The following CLN3 variants were observed in gnomAD, a reference collection of about 807,000 sequenced individuals.
CLN3 encodes the protein battenin.
A neutral mutation model predicts 60.7 loss-of-function variants in CLN3; 49 were observed. The observed-to-expected ratio is 0.81, with a 90% CI of 0.64 to 1.02. CLN3 has a LOEUF of 1.02. Ranked by LOEUF, CLN3 falls within the 50% of genes least tolerant of loss-of-function variation. The probability of loss-of-function intolerance (pLI) is 0.00; values close to 1 mark genes in which losing one functional copy is unlikely to be tolerated. For synonymous variants in CLN3, 256 were observed against 245.8 expected (o/e 1.04, Z -0.39); for missense variants, 516 against 557.4 (o/e 0.93, Z 0.75).
chr16:28,491,640 G>C, intron 2 of CLN3, 74 bp downstream of exon 2: 3 of 1,613,808 alleles, frequency 1.9e-6, no homozygotes, highest in Non-Finnish European at 1.7e-6. Context: ...CCGGGGCCGA[G>C]TCAGCTCTCA....
Position 28,477,528 on chromosome 16 carries a change from G to A in CLN3, c.1305C>T (p.Cys435=). ...AGGATCCCGAGTATCAGGAGAGCTG[G>A]CAGAGGAAGTCATGCAGAGGCAAAG... ...LLALPLHDFL[C]QLS is the part of the protein sequence containing the mutation. The change falls in exon 16 of 16, where the codon TGC becomes TGT. Residue 435 remains cysteine (C), a synonymous_variant. Transcript: ENST00000636147. 1 of 1,613,530 alleles carries A rather than the reference G, an allele frequency of 6.2e-7. No homozygotes were observed.
chr16:28,491,949 T>C lies in CLN3; in HGVS notation c.-77+71A>G, dbSNP rs370165217. ...GCTGGGGGCTCCATCTCGAGCGCCCTACGACCCACCACGCCCCACCCATCG... is the reference window on the plus strand; with the variant it reads ...GCTGGGGGCTCCATCTCGAGCGCCCCACGACCCACCACGCCCCACCCATCG... On this transcript the variant is annotated intron_variant, in intron 1 of 15. Coordinates refer to ENST00000636147, the MANE Select transcript of CLN3 (RefSeq NM_001042432.2). The C allele has an allele frequency of 6.2e-4, 453 of 726,380 alleles. 2 individuals are homozygous for C. In the African/African-American group the frequency reaches 7.1e-3, roughly 11 times the overall value. The allele number at this position is 726,380 out of a possible 1,614,324, so 45.0% of individuals were successfully genotyped here. A position where few individuals can be genotyped will look rare whatever the true frequency, so the allele number is the denominator to read the frequency against.
rs200731769 is a variant in CLN3, at chr16:28,483,990, G to T, written c.790+16C>A. ...AGAGAAAGAAAGTGACCTCTCTGAG[G>T]GTCTGTGTCTCCTACCTGGCTTCGA... On this transcript the variant is annotated intron_variant, in intron 10 of 15. Transcript: ENST00000636147. 410 of 1,579,510 alleles carry T rather than the reference G, an allele frequency of 2.6e-4. 4 individuals are homozygous for T. In the Admixed American group the frequency reaches 7.1e-3, roughly 27 times the overall value.
chr16:28,487,126 G>C (rs2046233415), intron 7 of CLN3: 3 of 419,984 alleles, frequency 7.1e-6, no homozygotes, highest in South Asian at 6.9e-5. Context: ...GGCCAGGCTG[G>C]TTTCGAACTC....
chr16:28,483,442 A>T (rs2046139460), intron 10 of CLN3, among the ~76,000 whole-genome samples: 1 of 151,986 alleles, frequency 6.6e-6, no homozygotes, highest in African/African-American at 2.4e-5. Context: ...GACTGGTCTC[A>T]AACTCTTGAT....
intron 10 of CLN3, among the ~76,000 whole-genome samples, chr16:28,483,293 C>T (rs1459418555): frequency 6.6e-6 from 1 of 151,738 alleles, no homozygotes; most frequent in East Asian, 2.0e-4. Flanking sequence ...GCAATCTCAG[C>T]TCACTGCAGC....
chr16:28,488,335 TA>T (rs1469289212), intron 5 of CLN3: 1 of 201,254 alleles, frequency 5.0e-6, no homozygotes, highest in Non-Finnish European at 9.7e-6. Flanking sequence ...TTTATATATA[TA>T]TATTTTTTAA....
intron 13 of CLN3, 57 bp from the exon 14 acceptor site, chr16:28,482,255 C>T: frequency 7.5e-6 from 12 of 1,603,422 alleles, no homozygotes; most frequent in Non-Finnish European, 8.5e-6. Context: ...TCCCGCTCCC[C>T]CCGGTGCCTA....
At chr16:28,481,417 A>AACACACAC (rs767753225) in intron 14 of CLN3, among the ~76,000 whole-genome samples, 79 of 129,590 alleles carry the variant, frequency 6.1e-4, no homozygotes, top group East Asian at 5.6e-3. Context: ...CAATGCTTAA[A>AACACACAC]ACACACACAC....
chr16:28,477,708 C>T (rs552688612), intron 15 of CLN3, 29 bp downstream of exon 15: 1 of 1,614,060 alleles, frequency 6.2e-7, no homozygotes, highest in African/African-American at 1.3e-5. Context: ...GGACAGGCCA[C>T]CCCCAGCCCT....
chr16:28,487,746 G>T lies in CLN3; in HGVS notation c.295-5C>A. The T allele has an allele frequency of 6.2e-7, 1 of 1,611,848 alleles. No homozygotes were observed. The highest frequency in any genetic ancestry group is 8.5e-7 in the Non-Finnish European group (1 of 1,178,726). On this transcript the variant is annotated splice_polypyrimidine_tract_variant and splice_region_variant and intron_variant, in intron 5 of 15. Coordinates refer to ENST00000636147, the MANE Select transcript of CLN3 (RefSeq NM_001042432.2). ...GATGTCCGCCAGGAGCACAGCCTGGGACAGGAGAATAGAGTGAGACCGCAG... is the reference window on the plus strand; with the variant it reads ...GATGTCCGCCAGGAGCACAGCCTGGTACAGGAGAATAGAGTGAGACCGCAG...
downstream of CLN3, chr16:28,469,940 C>G (rs1211153599): frequency 3.4e-6 from 1 of 290,120 alleles, no homozygotes; most frequent in Non-Finnish European, 6.6e-6. Flanking sequence ...CCACTGCACT[C>G]CAGCCTGGGC....
chr16:28,491,177 T>G (rs1386540439), intron 3 of CLN3: 1 of 415,914 alleles, frequency 2.4e-6, no homozygotes, highest in Non-Finnish European at 4.3e-6. Context: ...GTTTTCCAAG[T>G]GGAGTCGTGA....
downstream of CLN3, chr16:28,477,123 G>A (rs1360251329): frequency 2.5e-5 from 8 of 320,462 alleles, no homozygotes; most frequent in African/African-American, 4.3e-5. Flanking sequence ...GTGACAGAGT[G>A]AGACTCTGTC....
At chr16:28,472,436 T>G (rs1165727361), downstream of CLN3, among the ~76,000 whole-genome samples, 1 of 152,172 alleles carries the variant, frequency 6.6e-6, no homozygotes, top group Non-Finnish European at 1.5e-5. Context: ...TAGGGTCTAC[T>G]ATGTTAACTT....
rs796052336 is a variant in CLN3 at position 28,482,324 on chromosome 16, T to A, written c.962+3A>T. 11 of 1,613,400 alleles carry A rather than the reference T, an allele frequency of 6.8e-6. No homozygotes were observed. Among genetic ancestry groups the A allele is most frequent in the Middle Eastern group, 1.6e-4 (1 of 6,082 alleles). On this transcript the variant is annotated splice_donor_region_variant and intron_variant, in intron 13 of 15. Coordinates refer to ENST00000636147, the MANE Select transcript of CLN3 (RefSeq NM_001042432.2). ...CCCAGCCCACTGCCCTCGCTCCTCT[T>A]ACCAGCGGTATTGCTGAGCGTGACT...
intron 14 of CLN3, among the ~76,000 whole-genome samples, 190 bp from the exon 15 acceptor site, chr16:28,478,067 G>T (rs1049910837): frequency 6.6e-6 from 1 of 152,118 alleles, no homozygotes; most frequent in African/African-American, 2.4e-5. Flanking sequence ...GGAGGCTGAG[G>T]TGGGCAGATC....
In CLN3 at chr16:28,491,894, G is replaced by A. The variant is rs966801576; in HGVS notation, c.-76-59C>T. On this transcript the variant is annotated intron_variant, in intron 1 of 15. Transcript: ENST00000636147. ...CCGGTCCCAGCTCCGGCTTGTCTAGGGCACTCGCGCCCCGCGATCCATCAA... is the reference window on the plus strand; with the variant it reads ...CCGGTCCCAGCTCCGGCTTGTCTAGAGCACTCGCGCCCCGCGATCCATCAA... The A allele has an allele frequency of 1.6e-5, 19 of 1,180,066 alleles. No individual in the cohort carries two copies. The Middle Eastern group carries it at 8.2e-4, about 51-fold the overall frequency. 73.1% of individuals were successfully genotyped at this position (1,180,066 alleles called of 1,614,324 possible). A position where few individuals can be genotyped will look rare whatever the true frequency, so the allele number is the denominator to read the frequency against.
rs539953139 is a variant in CLN3 at position 28,487,880 on chromosome 16, G to A, written c.295-139C>T. On this transcript the variant is annotated intron_variant, in intron 5 of 15. Transcript: ENST00000636147. ...TGGAGTCAGGCACGCCTGGGTTCAA[G>A]TCTCAGCTCTCCCACTCCTTAGTTG... 70 of 705,668 alleles carry A rather than the reference G, an allele frequency of 9.9e-5. No individual in the cohort carries two copies. The African/African-American group carries it at 1.1e-3, about 11-fold the overall frequency. 43.7% of individuals were successfully genotyped at this position (705,668 alleles called of 1,614,324 possible). A position where few individuals can be genotyped will look rare whatever the true frequency, so the allele number is the denominator to read the frequency against.
Sources: gnomAD v4.1 joint callset for allele counts (sites outside exome capture counted in the v4.1 genomes callset) on GRCh38, gnomAD v4.1.1 for gene constraint, MANE v1.5 for transcripts, NCBI Gene and HGNC (gene_info 2026-07-23, HGNC 2026-07-21) for gene names.